The following CROCC variants were observed in gnomAD, a reference collection of about 807,000 sequenced individuals.
CROCC encodes ciliary rootlet coiled-coil, rootletin.
A neutral mutation model predicts 245.2 loss-of-function variants in CROCC; 180 were observed. That is an observed-to-expected ratio of 0.73 (90% CI 0.65 to 0.83). CROCC has a LOEUF of 0.83. Ranked by LOEUF, CROCC falls within the 40% of genes least tolerant of loss-of-function variation. The probability of loss-of-function intolerance (pLI) is 0.00; values close to 1 mark genes in which losing one functional copy is unlikely to be tolerated. For missense variants in CROCC, 2,688 were observed against 2,779.4 expected (o/e 0.97, Z 0.74); for synonymous variants, 1,205 against 1,241.6 (o/e 0.97, Z 0.62).
At chr1:16,955,250 A>G (rs887179964) in intron 23 of CROCC, 62 bp from the exon 24 acceptor site, 31 of 1,531,168 alleles carry the variant, frequency 2.0e-5, no homozygotes, top group Non-Finnish European at 2.6e-5. Flanking sequence ...TCTGGGGTAC[A>G]AGACCCAGCT....
chr1:16,969,183 C>T lies in CROCC; in HGVS notation c.5144C>T (p.Ala1715Val). 2 of 1,609,430 alleles carry T rather than the reference C, an allele frequency of 1.2e-6. No individual in the cohort carries two copies. Among genetic ancestry groups the T allele is most frequent in the South Asian group, 1.1e-5 (1 of 90,424 alleles). Residue 1715 changes from alanine to valine, a missense_variant, in exon 32 of 37, where the codon GCT becomes GTT. Ala to Val is a moderately conservative substitution (Grantham distance 64). Around this residue, in one of 9 missense-constraint regions of CROCC, gnomAD observed 1,218 missense variants for 1,286.3 expected, o/e 0.95. Transcript: ENST00000375541. ...LTVERLNGAL[A>V]KVEESEGALR... ...GTGGAGCGGCTGAATGGGGCCCTGG[C>T]TAAGGTGGAGGAAAGCGAGGGGGCC...
chr1:16,932,390 A>T (rs1388486900), intron 8 of CROCC, among the ~76,000 whole-genome samples: 1 of 152,240 alleles, frequency 6.6e-6, no homozygotes, highest in Non-Finnish European at 1.5e-5. Flanking sequence ...CGGTGAGCCG[A>T]GATCTCGCCA....
chr1:16,954,896 C>T lies in CROCC; in HGVS notation c.3465+19C>T. The T allele has an allele frequency of 6.6e-7, 1 of 1,511,812 alleles. No individual in the cohort carries two copies. Among genetic ancestry groups the T allele is most frequent in the Non-Finnish European group, 8.9e-7 (1 of 1,120,608 alleles). 93.6% of individuals were successfully genotyped at this position (1,511,812 alleles called of 1,614,324 possible). A position where few individuals can be genotyped will look rare whatever the true frequency, so the allele number is the denominator to read the frequency against. On this transcript the variant is annotated intron_variant, in intron 23 of 36. Coordinates refer to ENST00000375541, the MANE Select transcript of CROCC (RefSeq NM_014675.5). This position sits in a 1 kb window ranked among gnomAD's most constrained non-coding sequence, Gnocchi z 4.4. Reference sequence around the variant, plus strand: ...TCGCGAGGTGAGCAGCCGCCCCCCTCTTCCAAGCAGCATACCCTAAATGGC... The same window carrying T: ...TCGCGAGGTGAGCAGCCGCCCCCCTTTTCCAAGCAGCATACCCTAAATGGC...
chr1:16,964,137 ATT>A (rs59284131), intron 27 of CROCC, among the ~76,000 whole-genome samples: 6 of 119,418 alleles, frequency 5.0e-5, no homozygotes, highest in Non-Finnish European at 7.2e-5. Flanking sequence ...TTTTTTCTTT[ATT>A]TTTTTTTTTT....
At chr1:16,962,552 A>C (rs1358809772) in intron 27 of CROCC, among the ~76,000 whole-genome samples, 4 of 141,742 alleles carry the variant, frequency 2.8e-5, no homozygotes, top group Non-Finnish European at 6.2e-5. Context: ...AAAAAAAAAA[A>C]AAAAAAAAAC....
intron 1 of CROCC, among the ~76,000 whole-genome samples, chr1:16,914,192 G>C (rs1314068401): frequency 6.6e-6 from 1 of 151,740 alleles, no homozygotes; most frequent in Admixed American, 6.6e-5. Flanking sequence ...CGCTCCCGGC[G>C]GAGGAGGCCG....
upstream of CROCC, among the ~76,000 whole-genome samples, chr1:16,919,660 C>G (rs1467801307): frequency 1.3e-5 from 2 of 152,294 alleles, no homozygotes; most frequent in Non-Finnish European, 2.9e-5. Flanking sequence ...AGCCCAGACA[C>G]GTGATGCTAA....
intron 34 of CROCC, 32 bp from the exon 35 acceptor site, chr1:16,970,604 G>C: frequency 6.6e-7 from 1 of 1,508,310 alleles, no homozygotes; most frequent in Non-Finnish European, 8.9e-7. Flanking sequence ...GCTCCTCCTG[G>C]CACCCTGATC....
rs1462129968 is a variant in CROCC at position 16,946,758 on chromosome 1, C to T, written c.2284-3C>T. ...CGAGGCCCCACTCCTACCTGGCCTCCAGCTGGAGGAAGAAAAGTCCGCCCT... is the reference window on the plus strand; with the variant it reads ...CGAGGCCCCACTCCTACCTGGCCTCTAGCTGGAGGAAGAAAAGTCCGCCCT... On this transcript the variant is annotated splice_polypyrimidine_tract_variant and splice_region_variant and intron_variant, in intron 16 of 36. Coordinates refer to ENST00000375541, the MANE Select transcript of CROCC (RefSeq NM_014675.5). 1.3e-6 allele frequency: 2 copies of T among 1,551,104 alleles called. No homozygotes were observed. Among genetic ancestry groups the T allele is most frequent in the East Asian group, 2.4e-5 (1 of 40,944 alleles).
chr1:16,914,223 A>C (rs576540292), intron 1 of CROCC, among the ~76,000 whole-genome samples: 1 of 151,984 alleles, frequency 6.6e-6, no homozygotes, highest in Non-Finnish European at 1.5e-5. Context: ...GGCGGGCTGG[A>C]GCCACGTACC....
intron 19 of CROCC, among the ~76,000 whole-genome samples, chr1:16,949,879 C>T (rs2076130260): frequency 6.6e-6 from 1 of 151,920 alleles, no homozygotes; most frequent in Non-Finnish European, 1.5e-5. Flanking sequence ...AAGCGATTCT[C>T]CTGCCTCAGC....
intron 3 of CROCC, among the ~76,000 whole-genome samples, chr1:16,926,619 G>T (rs1483677562): frequency 6.6e-6 from 1 of 152,276 alleles, no homozygotes; most frequent in African/African-American, 2.4e-5. Context: ...CACTCCCAGA[G>T]GCCACCTCCC....
In CROCC at chr1:16,954,684, G is replaced by A. The variant is rs945903329; in HGVS notation, c.3322-50G>A. The A allele has an allele frequency of 2.3e-5, 35 of 1,505,220 alleles. 1 individual carries two copies. The highest frequency in any genetic ancestry group is 1.0e-4 in the South Asian group (8 of 79,486). 93.2% of individuals were successfully genotyped at this position (1,505,220 alleles called of 1,614,324 possible). A position where few individuals can be genotyped will look rare whatever the true frequency, so the allele number is the denominator to read the frequency against. On this transcript the variant is annotated intron_variant, in intron 22 of 36. Transcript: ENST00000375541. This position sits in a 1 kb window ranked among gnomAD's most constrained non-coding sequence, Gnocchi z 4.4. ...GCACTGAGCGGGTTGGGAGCAGCCC[G>A]GGGCTGGGGGACACAGCAGGACCAA...
chr1:16,942,959 T>C (rs2075964114), intron 13 of CROCC, among the ~76,000 whole-genome samples: 1 of 152,070 alleles, frequency 6.6e-6, no homozygotes, highest in Non-Finnish European at 1.5e-5. Context: ...TAAAAAAAAA[T>C]TGGCCGGGCA....
At position 16,969,949 on chromosome 1, in the gene CROCC, G is replaced by C; in HGVS notation, c.5451+15G>C. The C allele has an allele frequency of 1.3e-6, 2 of 1,571,048 alleles. No homozygotes were observed. The highest frequency in any genetic ancestry group is 8.6e-7 in the Non-Finnish European group (1 of 1,158,064). On this transcript the variant is annotated intron_variant, in intron 33 of 36. Coordinates refer to ENST00000375541, the MANE Select transcript of CROCC (RefSeq NM_014675.5). ...AGCTACGGGAGGTGAGGGCCAGGGT[G>C]TGCCCCCTCTGTCCCCAAGACTGTG...
intron 8 of CROCC, among the ~76,000 whole-genome samples, chr1:16,932,182 G>T (rs566411418): frequency 6.6e-6 from 1 of 152,270 alleles, no homozygotes; most frequent in African/African-American, 2.4e-5. Flanking sequence ...GGTGGCTCAC[G>T]CCTGTAATCC....
At position 16,970,879 on chromosome 1, in the gene CROCC, G is replaced by A. The variant is rs900216101; in HGVS notation, c.5784+112G>A. The A allele has an allele frequency of 1.0e-5, 13 of 1,289,746 alleles. No individual in the cohort carries two copies. The East Asian group carries it at 3.5e-4, about 35-fold the overall frequency. The allele number at this position is 1,289,746 out of a possible 1,614,324, so 79.9% of individuals were successfully genotyped here. On this transcript the variant is annotated intron_variant, in intron 35 of 36. Coordinates refer to ENST00000375541, the MANE Select transcript of CROCC (RefSeq NM_014675.5). ...CAGGGCCCATAACCCCCTCCCCCAG[G>A]AGCCCTGAGCCTTCCAGTGACCCAG... is the stretch of plus-strand genomic sequence containing the variant.
chr1:16,954,374 A>G lies in CROCC; in HGVS notation c.3321+17A>G, dbSNP rs762234882. Reference sequence around the variant, plus strand: ...CAGGACCGGGTAGGGCAGGCTGGGCAGCTGGGCCTCTGTCTCATAGAGAGG... The same window carrying G: ...CAGGACCGGGTAGGGCAGGCTGGGCGGCTGGGCCTCTGTCTCATAGAGAGG... On this transcript the variant is annotated intron_variant, in intron 22 of 36. Coordinates refer to ENST00000375541, the MANE Select transcript of CROCC (RefSeq NM_014675.5). The surrounding 1 kb of genome is among the most constrained non-coding windows in gnomAD (Gnocchi z 4.4). 6.2e-7 allele frequency: 1 copy of G among 1,605,602 alleles called. No individual in the cohort carries two copies. The highest frequency in any genetic ancestry group is 1.1e-5 in the South Asian group (1 of 90,434).
At position 16,966,379 on chromosome 1, in the gene CROCC, A is replaced by G. The variant is rs1489913041; in HGVS notation, c.4697-29A>G. The G allele has an allele frequency of 1.3e-6, 2 of 1,500,166 alleles. No homozygotes were observed. Among genetic ancestry groups the G allele is most frequent in the Non-Finnish European group, 8.9e-7 (1 of 1,124,572 alleles). The allele number at this position is 1,500,166 out of a possible 1,614,324, so 92.9% of individuals were successfully genotyped here. ...TTGGGTCTCGGGGCTGTGCTTGGCC[A>G]TGCCTGACGGGGTGGGTGGTGGCTA... On this transcript the variant is annotated intron_variant, in intron 29 of 36. Coordinates refer to ENST00000375541, the MANE Select transcript of CROCC (RefSeq NM_014675.5). The surrounding 1 kb of genome is among the most constrained non-coding windows in gnomAD (Gnocchi z 4.8).
Sources: allele counts gnomAD v4.1 joint callset (sites outside exome capture counted in the v4.1 genomes callset), GRCh38; gene constraint gnomAD v4.1.1; regional missense constraint gnomAD v4.1.1; non-coding constraint Gnocchi (gnomAD v3.1); transcripts MANE v1.5; gene names NCBI Gene and HGNC (gene_info 2026-07-23, HGNC 2026-07-21).